The following CADM2 variants were observed in gnomAD, a reference collection of about 807,000 sequenced individuals.
CADM2 encodes cell adhesion molecule 2, also known as immunoglobulin superfamily member 4D.
A neutral mutation model predicts 49.8 loss-of-function variants in CADM2; 12 were observed. The ratio of observed to expected loss-of-function variants is 0.24; its 90% CI spans 0.15 to 0.39. The LOEUF is 0.39. CADM2 is among the 10% of genes least tolerant of loss of function. The pLI is 1.00. For missense variants in CADM2, 378 were observed against 492.3 expected, an observed-to-expected ratio of 0.77 and a Z score of 2.20; for synonymous variants, 214 against 175.4, an observed-to-expected ratio of 1.22 and a Z score of -1.74.
chr3:85,872,560 C>T (rs2075969748), intron 3 of CADM2, among the ~76,000 whole-genome samples: 1 of 151,580 alleles, frequency 6.6e-6, no homozygotes, highest in South Asian at 2.1e-4. Context: ...TCATTTGCCC[C>T]AGGAGTTGCA....
chr3:85,377,320 C>G (rs1362302201), intron 1 of CADM2, among the ~76,000 whole-genome samples: 3 of 152,038 alleles, frequency 2.0e-5, no homozygotes, highest in Non-Finnish European at 4.4e-5. Flanking sequence ...TCTACAGAAG[C>G]AGTTAATGCT....
chr3:85,315,706 T>C (rs111590205), intron 1 of CADM2, among the ~76,000 whole-genome samples: 4 of 152,202 alleles, frequency 2.6e-5, no homozygotes, highest in African/African-American at 9.6e-5. Context: ...AATTCAGTTC[T>C]GTGTAAAAAC....
intron 2 of CADM2, among the ~76,000 whole-genome samples, chr3:85,769,947 C>G (rs572570527): frequency 6.6e-6 from 1 of 151,856 alleles, no homozygotes; most frequent in Admixed American, 6.6e-5. Flanking sequence ...AATATGTGTT[C>G]AAATGCAATG....
intron 1 of CADM2, among the ~76,000 whole-genome samples, chr3:85,498,957 C>T (rs921409582): frequency 2.0e-5 from 3 of 152,002 alleles, no homozygotes; most frequent in African/African-American, 4.8e-5. Context: ...TTGACATTTG[C>T]GTAATGTTTT....
chr3:85,061,620 G>A (rs1263876162), intron 1 of CADM2, among the ~76,000 whole-genome samples: 1 of 152,030 alleles, frequency 6.6e-6, no homozygotes, highest in Non-Finnish European at 1.5e-5. Flanking sequence ...GACAGTCATG[G>A]AAAGTCTAGT....
At chr3:85,124,810 A>G (rs1483914104) in intron 1 of CADM2, among the ~76,000 whole-genome samples, 2 of 152,198 alleles carry the variant, frequency 1.3e-5, no homozygotes, top group African/African-American at 4.8e-5. Context: ...TAAAGTGTTG[A>G]ATATCTCATG....
At chr3:86,055,471 T>TG (rs995601788) in intron 8 of CADM2, among the ~76,000 whole-genome samples, 4 of 131,326 alleles carry the variant, frequency 3.0e-5, no homozygotes, top group African/African-American at 8.9e-5. Context: ...TTTTTTTTTT[T>TG]TTTTTTTTGG....
At chr3:85,463,290 CT>C (rs2038336010) in intron 1 of CADM2, among the ~76,000 whole-genome samples, 1 of 152,146 alleles carries the variant, frequency 6.6e-6, no homozygotes, top group South Asian at 2.1e-4. Flanking sequence ...ATTATTCTAA[CT>C]GATTTTGAAT....
chr3:85,996,290 C>CTTTTTTTTTTTT (rs397990432), intron 8 of CADM2, among the ~76,000 whole-genome samples: 1 of 89,312 alleles, frequency 1.1e-5, no homozygotes, highest in Non-Finnish European at 2.1e-5. Flanking sequence ...TTTTCATTTA[C>CTTTTTTTTTTTT]TTTTTTTTTT....
intron 1 of CADM2, among the ~76,000 whole-genome samples, chr3:85,656,970 A>G (rs2065218394): frequency 6.6e-6 from 1 of 152,116 alleles, no homozygotes; most frequent in Non-Finnish European, 1.5e-5. Flanking sequence ...ACATGATTAC[A>G]CTACTTCTAA....
chr3:85,446,578 G>C (rs1464577973), intron 1 of CADM2, among the ~76,000 whole-genome samples: 2 of 149,056 alleles, frequency 1.3e-5, no homozygotes, highest in African/African-American at 4.9e-5. Flanking sequence ...TTATAAAAGT[G>C]TGTGTGTGAG....
At chr3:85,498,076 G>GT (rs1465083883) in intron 1 of CADM2, among the ~76,000 whole-genome samples, 1 of 151,716 alleles carries the variant, frequency 6.6e-6, no homozygotes, top group East Asian at 1.9e-4. Flanking sequence ...AGCAGCACAT[G>GT]TTCCCAGCCA....
intron 1 of CADM2, among the ~76,000 whole-genome samples, chr3:85,660,009 TAAGA>T (rs1486840497): frequency 6.6e-6 from 1 of 152,286 alleles, no homozygotes; most frequent in Non-Finnish European, 1.5e-5. Flanking sequence ...CTTTAAAACC[TAAGA>T]ATTCACAAAT....
intron 1 of CADM2, among the ~76,000 whole-genome samples, chr3:85,512,367 A>C (rs1372324002): frequency 6.6e-6 from 1 of 152,080 alleles, no homozygotes; most frequent in Non-Finnish European, 1.5e-5. Flanking sequence ...TTATGGCTAA[A>C]TAGTATTCCG....
chr3:86,008,237 A>G lies in CADM2; in HGVS notation c.970+46590A>G, dbSNP rs114271483. On this transcript the variant is annotated intron_variant, in intron 8 of 9. Transcript: ENST00000383699. ...ACTTTGTAGACTGGGAATGAAAGACACGTGCAGCCTGTTTATTCCTTCATA... is the reference window on the plus strand; with the variant it reads ...ACTTTGTAGACTGGGAATGAAAGACGCGTGCAGCCTGTTTATTCCTTCATA... Among the ~76,000 whole-genome samples the G allele has an allele frequency of 3.1e-3, 477 of 152,300 alleles. 3 individuals are homozygous for G. Among genetic ancestry groups the G allele is most frequent in the African/African-American group, 0.011 (468 of 41,586 alleles).
chr3:85,138,126 A>G (rs1468264726), intron 1 of CADM2, among the ~76,000 whole-genome samples: 1 of 152,098 alleles, frequency 6.6e-6, no homozygotes, highest in Non-Finnish European at 1.5e-5. Context: ...AGGTAGAGTC[A>G]GAATTCTTCA....
intron 1 of CADM2, among the ~76,000 whole-genome samples, chr3:85,149,388 T>C (rs981555543): frequency 3.3e-5 from 5 of 151,632 alleles, no homozygotes; most frequent in African/African-American, 1.2e-4. Flanking sequence ...GTCTTAGGTA[T>C]GCTTTTATAG....
intron 1 of CADM2, among the ~76,000 whole-genome samples, chr3:85,226,250 A>ATTTTTTT (rs149057525): frequency 6.9e-6 from 1 of 145,604 alleles, no homozygotes; most frequent in South Asian, 2.2e-4. Context: ...CTGGTCCTGG[A>ATTTTTTT]TTTTTTTTTT....
intron 2 of CADM2, among the ~76,000 whole-genome samples, chr3:85,783,070 A>C (rs2070754273): frequency 6.6e-6 from 1 of 152,180 alleles, no homozygotes; most frequent in South Asian, 2.1e-4. Flanking sequence ...TTACTCTGGT[A>C]ATATGCCAGT....
Sources: gnomAD v4.1 joint callset for allele counts (sites outside exome capture counted in the v4.1 genomes callset) on GRCh38, gnomAD v4.1.1 for gene constraint, MANE v1.5 for transcripts, NCBI Gene and HGNC (gene_info 2026-07-23, HGNC 2026-07-21) for gene names.